The following GNA12 variants were observed in gnomAD, a reference collection of about 807,000 sequenced individuals.
GNA12 encodes guanine nucleotide-binding protein subunit alpha-12.
GNA12 carries 9 observed loss-of-function variants against 26.0 expected under a neutral mutation model. The ratio of observed to expected loss-of-function variants is 0.35; its 90% CI spans 0.21 to 0.60. The LOEUF is 0.60. Ranked by LOEUF, GNA12 falls within the 20% of genes least tolerant of loss-of-function variation. The pLI is 0.78. For missense variants in GNA12, 405 were observed against 525.8 expected (o/e 0.77, Z 2.25); for synonymous variants, 264 against 219.6 (o/e 1.20, Z -1.79).
intron 1 of GNA12, among the ~76,000 whole-genome samples, chr7:2,802,303 A>T (rs1225441374): frequency 6.7e-6 from 1 of 149,290 alleles, no homozygotes; most frequent in Non-Finnish European, 1.5e-5. Context: ...CTGTTCAGAC[A>T]GCATATTTTT....
rs369598038 is a variant in GNA12, at chr7:2,769,512, C to T, written c.525+25416G>A. 1.7e-4 allele frequency among the ~76,000 whole-genome samples: 26 copies of T among 152,064 alleles called. No homozygotes were observed. In the East Asian group the frequency reaches 3.9e-3, roughly 23 times the overall value. On this transcript the variant is annotated intron_variant, in intron 2 of 3. Coordinates refer to ENST00000275364, the MANE Select transcript of GNA12 (RefSeq NM_007353.3). ...TTGGGAGGCCGAGGTCGGCGGATCA[C>T]GAGGTCAGGAGATTGAGACCATCCT...
At chr7:2,749,180 T>TA (rs571934692) in intron 2 of GNA12, among the ~76,000 whole-genome samples, 14,006 of 152,204 alleles carry the variant, frequency 0.092, 827 homozygotes, top group South Asian at 0.15. Flanking sequence ...CAAAGGATTA[T>TA]AAATCATGCT....
At chr7:2,830,081 T>A (rs1315201687) in intron 1 of GNA12, among the ~76,000 whole-genome samples, 1 of 152,214 alleles carries the variant, frequency 6.6e-6, no homozygotes, top group African/African-American at 2.4e-5. Context: ...CTTTTGAGTG[T>A]TCTCCCCGAA....
intron 2 of GNA12, among the ~76,000 whole-genome samples, chr7:2,751,285 G>C (rs944432547): frequency 3.9e-5 from 6 of 151,940 alleles, no homozygotes; most frequent in African/African-American, 1.5e-4. Flanking sequence ...ACTCAGCAGG[G>C]GGAGCTGAGG....
intron 1 of GNA12, among the ~76,000 whole-genome samples, chr7:2,797,112 G>C (rs896816211): frequency 6.6e-6 from 1 of 152,178 alleles, no homozygotes; most frequent in African/African-American, 2.4e-5. Context: ...CTCCAGGACA[G>C]AGAAAACCAG....
At chr7:2,795,569 G>T (rs951453214) in intron 1 of GNA12, among the ~76,000 whole-genome samples, 1 of 150,636 alleles carries the variant, frequency 6.6e-6, no homozygotes. Context: ...TCAAGGCTAC[G>T]GTTATCTATG....
intron 1 of GNA12, among the ~76,000 whole-genome samples, chr7:2,827,505 G>A (rs17132738): frequency 0.025 from 3,842 of 152,230 alleles, 170 homozygotes; most frequent in African/African-American, 0.088. Context: ...ACTGTGGCCC[G>A]GACTGAAGGC....
At chr7:2,761,470 G>A (rs1044314249) in intron 2 of GNA12, among the ~76,000 whole-genome samples, 2 of 152,156 alleles carry the variant, frequency 1.3e-5, no homozygotes, top group Non-Finnish European at 2.9e-5. Flanking sequence ...AAATAAAGAA[G>A]AAAACCAGAA....
chr7:2,838,003 G>A (rs936245075), intron 1 of GNA12, among the ~76,000 whole-genome samples: 1 of 152,056 alleles, frequency 6.6e-6, no homozygotes, highest in African/African-American at 2.4e-5. Flanking sequence ...GAAGTGGGGT[G>A]GGTAAATGGG....
intron 2 of GNA12, among the ~76,000 whole-genome samples, chr7:2,756,487 C>T (rs1260822536): frequency 1.8e-4 from 28 of 151,830 alleles, no homozygotes; most frequent in African/African-American, 6.0e-4. Flanking sequence ...TGGTGGCACA[C>T]GCCTATAGTC....
chr7:2,790,610 C>G (rs1001285222), intron 2 of GNA12, among the ~76,000 whole-genome samples: 1 of 152,130 alleles, frequency 6.6e-6, no homozygotes, highest in African/African-American at 2.4e-5. Flanking sequence ...AGGTCAGGAT[C>G]CACACACCAA....
intron 2 of GNA12, among the ~76,000 whole-genome samples, chr7:2,786,660 G>A (rs958815763): frequency 2.6e-5 from 4 of 152,158 alleles, no homozygotes; most frequent in African/African-American, 7.2e-5. Flanking sequence ...GGGCTGGTGC[G>A]ATTTGCTGAC....
At chr7:2,810,144 GGC>G (rs1278590825) in intron 1 of GNA12, among the ~76,000 whole-genome samples, 1 of 152,242 alleles carries the variant, frequency 6.6e-6, no homozygotes, top group Non-Finnish European at 1.5e-5. Context: ...AAACCTCACA[GGC>G]GGGTGGCTTG....
intron 2 of GNA12, chr7:2,762,731 C>G: frequency 6.4e-7 from 1 of 1,557,340 alleles, no homozygotes; most frequent in Non-Finnish European, 8.7e-7. Context: ...GGCCCCATGT[C>G]CTCCCTCCCG....
At chr7:2,822,222 G>A (rs1489104948) in intron 1 of GNA12, among the ~76,000 whole-genome samples, 3 of 152,120 alleles carry the variant, frequency 2.0e-5, no homozygotes, top group African/African-American at 7.2e-5. Flanking sequence ...GTTGTTCTTC[G>A]TACGTTTTCA....
chr7:2,751,077 A>G (rs1222322919), intron 2 of GNA12, among the ~76,000 whole-genome samples: 1 of 152,146 alleles, frequency 6.6e-6, no homozygotes, highest in Non-Finnish European at 1.5e-5. Flanking sequence ...TTTCGGGGAG[A>G]AATCTGTTGC....
In GNA12 at chr7:2,765,381, G is replaced by C. The variant is rs866815823; in HGVS notation, c.525+29547C>G. ...AGATGGTGTTAGCCAGGATGGTCTAGATCTCCTGACCTCGTGATCCGCCCG... is the reference window on the plus strand; with the variant it reads ...AGATGGTGTTAGCCAGGATGGTCTACATCTCCTGACCTCGTGATCCGCCCG... On this transcript the variant is annotated intron_variant, in intron 2 of 3. Transcript: ENST00000275364. Among the ~76,000 whole-genome samples the C allele has an allele frequency of 5.5e-4, 84 of 152,174 alleles. No individual in the cohort carries two copies. The Middle Eastern group carries it at 0.01, about 18-fold the overall frequency.
chr7:2,842,219 C>G (rs1779017249), intron 1 of GNA12, among the ~76,000 whole-genome samples: 1 of 151,686 alleles, frequency 6.6e-6, no homozygotes. Context: ...CTGCACTGTT[C>G]CCTCATCATC....
At chr7:2,824,819 C>A (rs994593490) in intron 1 of GNA12, among the ~76,000 whole-genome samples, 2 of 152,174 alleles carry the variant, frequency 1.3e-5, no homozygotes, top group Non-Finnish European at 2.9e-5. Context: ...AGCTGAGGGC[C>A]GGTGGCAGCA....
Sources: allele counts gnomAD v4.1 joint callset (sites outside exome capture counted in the v4.1 genomes callset), GRCh38; gene constraint gnomAD v4.1.1; transcripts MANE v1.5; gene names NCBI Gene and HGNC (gene_info 2026-07-23, HGNC 2026-07-21).